Variants in ANKHD1 observed in about 807,000 individuals in gnomAD.
The protein encoded by ANKHD1 is ankyrin repeat and KH domain containing 1.
Under a neutral mutation model 230.5 loss-of-function variants are expected in ANKHD1, and 31 were observed. That is an observed-to-expected ratio of 0.13 (90% confidence interval 0.10 to 0.18). The LOEUF is 0.18. Ranked by LOEUF, ANKHD1 falls within the 10% of genes least tolerant of loss-of-function variation. The probability of loss-of-function intolerance (pLI) is 1.00; values close to 1 mark genes in which losing one functional copy is unlikely to be tolerated. For synonymous variants in ANKHD1, 1,074 were observed against 1,117.6 expected, an observed-to-expected ratio of 0.96 and a Z score of 0.78; for missense variants, 2,256 against 3,071.3, an observed-to-expected ratio of 0.73 and a Z score of 6.27.
At position 140,529,696 on chromosome 5, in the gene ANKHD1, G is replaced by A; in HGVS notation, c.6750G>A (p.Leu2250=). The A allele has an allele frequency of 6.2e-7, 1 of 1,614,140 alleles. No individual in the cohort carries two copies. The highest frequency in any genetic ancestry group is 8.5e-7 in the Non-Finnish European group (1 of 1,180,038). ...CTTTCACTGTTCAGTCAGCGTTCCT[G>A]GGTAACTCAGTGCTTGGACACTTGG... The part of the protein sequence containing the change: ...DASFTVQSAF[L]GNSVLGHLEN... Residue 2250 remains leucine, a synonymous_variant, in exon 29 of 34, where the codon CTG becomes CTA. Transcript: ENST00000360839.
chr5:140,442,260 T>G (rs1581251346), intron 5 of ANKHD1, among the ~76,000 whole-genome samples: 1 of 151,868 alleles, frequency 6.6e-6, no homozygotes, highest in Non-Finnish European at 1.5e-5. Flanking sequence ...GCCAGGCTGG[T>G]CTTGAACTCC....
chr5:140,514,171 G>A (rs532085602), intron 24 of ANKHD1, among the ~76,000 whole-genome samples: 12 of 144,386 alleles, frequency 8.3e-5, no homozygotes, highest in East Asian at 6.1e-4. Flanking sequence ...GCAACAGATC[G>A]AGACTCTCTC....
chr5:140,524,976 A>T, intron 25 of ANKHD1: 1 of 332,126 alleles, frequency 3.0e-6, no homozygotes, highest in Non-Finnish European at 5.9e-6. Context: ...CTGGGATTAC[A>T]GGCGTGGTGG....
chr5:140,499,546 C>A (rs1418234494), intron 15 of ANKHD1, among the ~76,000 whole-genome samples: 1 of 151,964 alleles, frequency 6.6e-6, no homozygotes, highest in Non-Finnish European at 1.5e-5. Flanking sequence ...TTCCTTATTG[C>A]TATTCTTTCA....
intron 29 of ANKHD1, among the ~76,000 whole-genome samples, chr5:140,530,428 G>C (rs1032156089): frequency 6.6e-6 from 1 of 152,090 alleles, no homozygotes; most frequent in Non-Finnish European, 1.5e-5. Flanking sequence ...ACCCAGGCTG[G>C]TCTCGAACTC....
At chr5:140,441,220 T>C (rs1472351310) in intron 5 of ANKHD1, 78 bp downstream of exon 5, 2 of 1,405,128 alleles carry the variant, frequency 1.4e-6, no homozygotes, top group African/African-American at 3.0e-5. Context: ...ATTAGATTTC[T>C]GAGGAAAACC....
chr5:140,459,505 G>A, intron 9 of ANKHD1, 150 bp downstream of exon 9: 4 of 1,038,282 alleles, frequency 3.9e-6, no homozygotes, highest in Non-Finnish European at 5.1e-6. Context: ...TACACAAGGA[G>A]AGGGGAAATG....
At chr5:140,428,232 G>T (rs917359289) in intron 1 of ANKHD1, among the ~76,000 whole-genome samples, 12 of 151,932 alleles carry the variant, frequency 7.9e-5, no homozygotes, top group Non-Finnish European at 1.8e-4. Flanking sequence ...CCCAGACGGG[G>T]TGGCGGCCGG....
In ANKHD1 at chr5:140,442,764, A is replaced by T. The variant is rs1297422409; in HGVS notation, c.913+1622A>T. Among the ~76,000 whole-genome samples, 4 of 152,286 alleles carry T rather than the reference A, an allele frequency of 2.6e-5. No individual in the cohort carries two copies. The East Asian group carries it at 7.7e-4, about 29-fold the overall frequency. On this transcript the variant is annotated intron_variant, in intron 5 of 33. Transcript: ENST00000360839. ...GAAGAATAAAAGATTACTCTCCCAT[A>T]AACTCTGTGGCACAGAAATCACTGC...
At chr5:140,433,329 G>A (rs1308528663) in intron 1 of ANKHD1, among the ~76,000 whole-genome samples, 1 of 152,138 alleles carries the variant, frequency 6.6e-6, no homozygotes, top group Admixed American at 6.6e-5. Flanking sequence ...GCTTCCCAAA[G>A]TGTGGAATTA....
chr5:140,479,832 A>ATATG (rs922421478), intron 10 of ANKHD1, among the ~76,000 whole-genome samples: 1 of 150,378 alleles, frequency 6.6e-6, no homozygotes, highest in African/African-American at 2.4e-5. Flanking sequence ...TGTAATGTAT[A>ATATG]TATGTATGTA....
In ANKHD1 at chr5:140,485,227, T is replaced by G. The variant is rs780657018; in HGVS notation, c.1977T>G (p.Ala659=). 1 of 1,613,754 alleles carries G rather than the reference T, an allele frequency of 6.2e-7. No individual in the cohort carries two copies. The highest frequency in any genetic ancestry group is 8.5e-7 in the Non-Finnish European group (1 of 1,179,762). ...AVVELLLAHG[A]DPTHRLKDGS... is the part of the protein sequence containing the mutation. ...TTGAGCTTCTCTTGGCTCATGGGGCTGACCCTACTCATCGACTCAAGGTAG... is the reference window on the plus strand; with the variant it reads ...TTGAGCTTCTCTTGGCTCATGGGGCGGACCCTACTCATCGACTCAAGGTAG... The change falls in exon 12 of 34, where the codon GCT becomes GCG. Residue 659 remains alanine (A), a synonymous_variant. Coordinates refer to ENST00000360839, the MANE Select transcript of ANKHD1 (RefSeq NM_017747.3). This position sits in a 1 kb window ranked among gnomAD's most constrained non-coding sequence, Gnocchi z 4.8.
chr5:140,503,559 T>C lies in ANKHD1; in HGVS notation c.3005-1262T>C, dbSNP rs1752406258. Among the ~76,000 whole-genome samples, 7 of 71,164 alleles carry C rather than the reference T, an allele frequency of 9.8e-5. No homozygotes were observed. In the South Asian group the frequency reaches 1.9e-3, roughly 19 times the overall value. 46.7% of individuals were successfully genotyped at this position (71,164 alleles called of 152,430 possible). ...TTTTAACTCAGTTTTCTTTCTTTTT[T>C]TTTTTTTTTTTTTTTTTTTTTTTTT... On this transcript the variant is annotated intron_variant, in intron 15 of 33. Coordinates refer to ENST00000360839, the MANE Select transcript of ANKHD1 (RefSeq NM_017747.3).
chr5:140,465,195 G>A (rs1775999320), intron 10 of ANKHD1: 1 of 152,550 alleles, frequency 6.6e-6, no homozygotes, highest in African/African-American at 2.4e-5. Flanking sequence ...TTCAATACAT[G>A]TATATAATGT....
chr5:140,405,206 C>G (rs10074928), intron 1 of ANKHD1, among the ~76,000 whole-genome samples: 151,080 of 152,278 alleles, frequency 0.99, 74,944 homozygotes, highest in Middle Eastern at 1. Flanking sequence ...AAAGGATTTA[C>G]AGGTTAAGAG....
intron 1 of ANKHD1, among the ~76,000 whole-genome samples, chr5:140,402,916 C>T (rs1266782996): frequency 6.8e-6 from 1 of 147,208 alleles, no homozygotes; most frequent in Non-Finnish European, 1.5e-5. Context: ...TAGCTGAACT[C>T]GGAGGTTTTA....
At chr5:140,467,012 A>G (rs1191345992) in intron 10 of ANKHD1, among the ~76,000 whole-genome samples, 8 of 152,086 alleles carry the variant, frequency 5.3e-5, no homozygotes, top group Admixed American at 5.2e-4. Flanking sequence ...TTCTAACATA[A>G]TTATTCATTT....
intron 11 of ANKHD1, among the ~76,000 whole-genome samples, chr5:140,484,507 G>A (rs1017159459): frequency 1.3e-5 from 2 of 151,934 alleles, no homozygotes; most frequent in African/African-American, 4.8e-5. Flanking sequence ...ACAATATGAA[G>A]AATTATATAT....
At chr5:140,528,134 TTTTTTTTTTAATG>T in intron 28 of ANKHD1, 37 bp from the exon 29 acceptor site, 3 of 1,539,132 alleles carry the variant, frequency 1.9e-6, no homozygotes, top group Non-Finnish European at 2.6e-6. Context: ...TTACCTTTTT[TTTTTTTTTTAATG>T]TTTTTGGTCT....
Sources: allele counts gnomAD v4.1 joint callset (sites outside exome capture counted in the v4.1 genomes callset), GRCh38; gene constraint gnomAD v4.1.1; non-coding constraint Gnocchi (gnomAD v3.1); transcripts MANE v1.5; gene names NCBI Gene and HGNC (gene_info 2026-07-23, HGNC 2026-07-21).